Variants in DPP6 observed in about 807,000 individuals in gnomAD.
The protein encoded by DPP6 is A-type potassium channel modulatory protein DPP6.
A neutral mutation model predicts 122.6 loss-of-function variants in DPP6; 69 were observed. That is an observed-to-expected ratio of 0.56 (90% confidence interval 0.46 to 0.69). DPP6 has a LOEUF of 0.69. Among genes scored for constraint, DPP6 ranks in the 30% least tolerant of loss-of-function variants. The pLI is 0.00. For synonymous variants in DPP6, 418 were observed against 433.1 expected, an observed-to-expected ratio of 0.97 and a Z score of 0.43; for missense variants, 928 against 1,116.9, an observed-to-expected ratio of 0.83 and a Z score of 2.41.
intron 20 of DPP6, among the ~76,000 whole-genome samples, chr7:154,876,617 C>G (rs1459755252): frequency 6.6e-6 from 1 of 152,212 alleles, no homozygotes; most frequent in Non-Finnish European, 1.5e-5. Flanking sequence ...TCTGTCATTC[C>G]TGTGCATCCC....
chr7:154,202,020 A>G (rs1799200783), intron 1 of DPP6, among the ~76,000 whole-genome samples: 1 of 152,214 alleles, frequency 6.6e-6, no homozygotes, highest in Admixed American at 6.5e-5. Flanking sequence ...TTTTTCACCC[A>G]CTACAGTTAG....
At chr7:154,432,165 A>T (rs529225877) in intron 1 of DPP6, among the ~76,000 whole-genome samples, 125 of 152,352 alleles carry the variant, frequency 8.2e-4, no homozygotes, top group African/African-American at 3.0e-3. Flanking sequence ...TTAATCTGCC[A>T]TAATATTAAG....
intron 16 of DPP6, among the ~76,000 whole-genome samples, chr7:154,811,197 C>T (rs1368866393): frequency 6.6e-6 from 1 of 152,192 alleles, no homozygotes; most frequent in African/African-American, 2.4e-5. Context: ...CAAAATCCCA[C>T]TTATAAAAAG....
At chr7:154,397,011 A>C (rs1273200276) in intron 1 of DPP6, among the ~76,000 whole-genome samples, 2 of 152,084 alleles carry the variant, frequency 1.3e-5, no homozygotes, top group African/African-American at 4.8e-5. Flanking sequence ...AATCTATGAA[A>C]CAGAATGAAA....
At chr7:154,113,806 A>G (rs1380436076) in intron 1 of DPP6, among the ~76,000 whole-genome samples, 1 of 152,194 alleles carries the variant, frequency 6.6e-6, no homozygotes, top group Non-Finnish European at 1.5e-5. Context: ...ATGGATATCC[A>G]GTTTTCCCAG....
In DPP6 at chr7:153,922,103, G is replaced by A. The variant is rs142982276; in HGVS notation, c.51+34369G>A. Among the ~76,000 whole-genome samples, 458 of 152,316 alleles carry A rather than the reference G, an allele frequency of 3.0e-3. 6 individuals carry two copies. Among genetic ancestry groups the A allele is most frequent in the African/African-American group, 0.01 (434 of 41,572 alleles). On this transcript the variant is annotated intron_variant, in intron 1 of 25. Transcript: ENST00000404039. ...AGTGGGAGTCTAGAGGTAAGGACAC[G>A]GTGTGTAGAGTCAGTGATGATGACT...
At chr7:153,954,171 T>G (rs1802349182) in intron 1 of DPP6, among the ~76,000 whole-genome samples, 1 of 152,208 alleles carries the variant, frequency 6.6e-6, no homozygotes, top group Non-Finnish European at 1.5e-5. Context: ...CATCTACAAT[T>G]AGCCCTTACA....
intron 5 of DPP6, among the ~76,000 whole-genome samples, chr7:154,581,202 A>T (rs542136930): frequency 3.3e-5 from 5 of 152,296 alleles, no homozygotes; most frequent in African/African-American, 9.6e-5. Context: ...AGAGCCGCGG[A>T]TACAAGCGAG....
rs1356546552 is a variant in DPP6, at chr7:154,032,833, C to T, written c.51+145099C>T. ...ATCCCCTCTCTCTTTAAAATGTGTC[C>T]GCACCCCCCACCGACCCCATCCCCC... is the stretch of plus-strand genomic sequence containing the variant. On this transcript the variant is annotated intron_variant, in intron 1 of 25. Coordinates refer to the DPP6 transcript ENST00000404039. Among the ~76,000 whole-genome samples the T allele has an allele frequency of 1.5e-4, 23 of 151,052 alleles. 1 individual carries two copies. Among genetic ancestry groups the T allele is most frequent in the Non-Finnish European group, 2.9e-4 (20 of 67,842 alleles).
intron 1 of DPP6, among the ~76,000 whole-genome samples, chr7:154,213,046 G>C (rs566011017): frequency 1.4e-4 from 22 of 152,346 alleles, no homozygotes; most frequent in African/African-American, 5.3e-4. Context: ...ATCAGCGCTT[G>C]CTCAGAATCC....
At chr7:154,535,232 G>A (rs936627188) in intron 3 of DPP6, among the ~76,000 whole-genome samples, 24 of 151,984 alleles carry the variant, frequency 1.6e-4, no homozygotes, top group East Asian at 7.7e-4. Flanking sequence ...AAATTTGATC[G>A]TAGACCCTAA....
intron 1 of DPP6, among the ~76,000 whole-genome samples, chr7:153,970,847 A>G (rs1176954058): frequency 6.6e-6 from 1 of 152,170 alleles, no homozygotes; most frequent in African/African-American, 2.4e-5. Context: ...CCATTGATCT[A>G]TTTGACTACC....
chr7:154,116,603 T>C (rs1446823678), intron 1 of DPP6, among the ~76,000 whole-genome samples: 1 of 152,252 alleles, frequency 6.6e-6, no homozygotes, highest in African/African-American at 2.4e-5. Context: ...GTGTTCGAGA[T>C]ATAAATATCC....
chr7:153,927,081 G>A (rs1270932765), intron 1 of DPP6, among the ~76,000 whole-genome samples: 1 of 152,036 alleles, frequency 6.6e-6, no homozygotes, highest in Non-Finnish European at 1.5e-5. Context: ...GGAAGACGAA[G>A]GCAGGAGGAT....
At chr7:154,219,854 T>C (rs749436483) in intron 1 of DPP6, among the ~76,000 whole-genome samples, 8 of 152,232 alleles carry the variant, frequency 5.3e-5, no homozygotes, top group Non-Finnish European at 7.3e-5. Context: ...CCCAAAGTGC[T>C]GGGATTGCAG....
At chr7:154,484,993 G>T (rs1586420657) in intron 3 of DPP6, among the ~76,000 whole-genome samples, 1 of 152,126 alleles carries the variant, frequency 6.6e-6, no homozygotes, top group African/African-American at 2.4e-5. Context: ...TATGGGGTTA[G>T]GTAGAGGGGG....
At chr7:153,995,584 GTC>G (rs1393388760) in intron 1 of DPP6, among the ~76,000 whole-genome samples, 4 of 53,246 alleles carry the variant, frequency 7.5e-5, no homozygotes, top group African/African-American at 2.5e-4. Context: ...GTGAGACTCC[GTC>G]TCAAAAAAAA....
chr7:153,991,723 T>C (rs12673833), intron 1 of DPP6, among the ~76,000 whole-genome samples: 38,426 of 152,008 alleles, frequency 0.25, 5,052 homozygotes, highest in East Asian at 0.39. Context: ...CAGCGGTCTG[T>C]GGGGTATGTG....
intron 1 of DPP6, among the ~76,000 whole-genome samples, chr7:154,311,519 A>G (rs1305884477): frequency 6.6e-6 from 1 of 151,978 alleles, no homozygotes; most frequent in African/African-American, 2.4e-5. Context: ...AAAGAAAAAG[A>G]AAAAGAAAAT....
Sources: allele counts gnomAD v4.1 joint callset (sites outside exome capture counted in the v4.1 genomes callset), GRCh38; gene constraint gnomAD v4.1.1; transcripts MANE v1.5; gene names NCBI Gene and HGNC (gene_info 2026-07-23, HGNC 2026-07-21).